The following KDM4C variants were observed in gnomAD, a reference collection of about 807,000 sequenced individuals.
KDM4C encodes lysine demethylase 4C, also known as lysine-specific demethylase 4C.
In KDM4C, 81 loss-of-function variants were observed where a neutral mutation model predicts 129.3. That is an observed-to-expected ratio of 0.63 (90% confidence interval 0.52 to 0.75). KDM4C has a LOEUF of 0.75. KDM4C is among the 30% of genes least tolerant of loss of function. The pLI is 0.00. For missense variants in KDM4C, 1,457 were observed against 1,304.0 expected (o/e 1.12, Z -1.81); for synonymous variants, 573 against 456.1 (o/e 1.26, Z -3.26).
rs1403221523 is a variant in KDM4C at position 6,860,447 on chromosome 9, C to A, written c.629+10747C>A. Among the ~76,000 whole-genome samples the A allele has an allele frequency of 2.6e-5, 4 of 152,172 alleles. No homozygotes were observed. In the East Asian group the frequency reaches 7.7e-4, roughly 29 times the overall value. ...GCAAAGTACATTGACAGAAGCTAGTCAGTCCTTGTCAGGAGTTAAGTGTAC... is the reference window on the plus strand; with the variant it reads ...GCAAAGTACATTGACAGAAGCTAGTAAGTCCTTGTCAGGAGTTAAGTGTAC... On this transcript the variant is annotated intron_variant, in intron 5 of 21. Coordinates refer to ENST00000381309, the MANE Select transcript of KDM4C (RefSeq NM_015061.6).
chr9:7,028,981 A>T (rs551893356), intron 15 of KDM4C, among the ~76,000 whole-genome samples: 1 of 152,310 alleles, frequency 6.6e-6, no homozygotes, highest in East Asian at 1.9e-4. Flanking sequence ...TTTCAGTGAT[A>T]GGAAGTTAAA....
intron 19 of KDM4C, among the ~76,000 whole-genome samples, chr9:7,145,632 T>C (rs1438941660): frequency 6.6e-6 from 1 of 152,246 alleles, no homozygotes; most frequent in Non-Finnish European, 1.5e-5. Context: ...TTTGCTGCAA[T>C]TGTTAGGAAG....
chr9:7,037,106 G>C (rs956012714), intron 15 of KDM4C, among the ~76,000 whole-genome samples: 1 of 152,096 alleles, frequency 6.6e-6, no homozygotes, highest in Admixed American at 6.5e-5. Flanking sequence ...CCCATGTCTT[G>C]CTGATCAGCA....
chr9:6,953,810 A>G (rs965225560), intron 8 of KDM4C, among the ~76,000 whole-genome samples: 5 of 152,162 alleles, frequency 3.3e-5, no homozygotes, highest in African/African-American at 9.7e-5. Context: ...CTTCTCCCAA[A>G]CTTGAATGGT....
intron 5 of KDM4C, among the ~76,000 whole-genome samples, chr9:6,873,080 C>G (rs1355219060): frequency 6.6e-6 from 1 of 152,156 alleles, no homozygotes; most frequent in Non-Finnish European, 1.5e-5. Flanking sequence ...GCGCGCACCA[C>G]TCCACCTCTT....
chr9:7,051,680 A>G (rs1450135277), intron 17 of KDM4C, among the ~76,000 whole-genome samples: 1 of 151,958 alleles, frequency 6.6e-6, no homozygotes, highest in Non-Finnish European at 1.5e-5. Flanking sequence ...CAGTTTCAAT[A>G]TTTTTTTCTG....
chr9:6,889,699 C>CG (rs1285169420), intron 7 of KDM4C, among the ~76,000 whole-genome samples: 1 of 152,198 alleles, frequency 6.6e-6, no homozygotes, highest in Non-Finnish European at 1.5e-5. Context: ...ACAAGGTAGA[C>CG]GTGAAGGAAT....
chr9:6,945,860 G>T (rs1826866493), intron 8 of KDM4C, among the ~76,000 whole-genome samples: 2 of 152,090 alleles, frequency 1.3e-5, no homozygotes, highest in East Asian at 1.9e-4. Flanking sequence ...GAAGGGACTG[G>T]GCTGTCTGTA....
intron 15 of KDM4C, among the ~76,000 whole-genome samples, chr9:7,035,733 T>C (rs1210592838): frequency 6.6e-6 from 1 of 152,184 alleles, no homozygotes; most frequent in African/African-American, 2.4e-5. Context: ...CACTGTTCAT[T>C]GAAGAGACTG....
chr9:6,782,159 A>G (rs1481514757), intron 1 of KDM4C, among the ~76,000 whole-genome samples: 4 of 152,178 alleles, frequency 2.6e-5, no homozygotes, highest in African/African-American at 9.7e-5. Flanking sequence ...AAATTTGTAG[A>G]TACGGAATCT....
intron 1 of KDM4C, chr9:6,748,877 G>C (rs767454518): frequency 3.0e-6 from 3 of 992,220 alleles, no homozygotes; most frequent in Non-Finnish European, 3.3e-6. Flanking sequence ...CTTGCTCATA[G>C]AGCCACACCT....
chr9:6,936,366 C>T (rs1417109514), intron 8 of KDM4C, among the ~76,000 whole-genome samples: 1 of 152,012 alleles, frequency 6.6e-6, no homozygotes, highest in Non-Finnish European at 1.5e-5. Context: ...TACATGTATA[C>T]AAACAGTATT....
rs779935977 is a variant in KDM4C, at chr9:6,793,055, A to C, written c.67A>C (p.Met23Leu). The change falls in exon 2 of 22, where the codon ATG (methionine) becomes CTG (leucine). Residue 23 changes from methionine to leucine, a missense_variant. Met to Leu is a conservative substitution (Grantham distance 15). Coordinates refer to ENST00000381309, the MANE Select transcript of KDM4C (RefSeq NM_015061.6). ...TAAGATAATGACCTTCAGACCCTCC[A>C]TGGAGGAGTTCCGGGAGTTCAACAA... ...SCKIMTFRPSMEEFREFNKYL... is the reference protein window; with the variant it reads ...SCKIMTFRPSLEEFREFNKYL... 3 of 1,614,134 alleles carry C rather than the reference A, an allele frequency of 1.9e-6. No homozygotes were observed. The highest frequency in any genetic ancestry group is 3.3e-5 in the Admixed American group (2 of 60,014).
intron 12 of KDM4C, among the ~76,000 whole-genome samples, chr9:7,005,393 C>G (rs967041774): frequency 1.3e-5 from 2 of 149,686 alleles, no homozygotes; most frequent in African/African-American, 5.0e-5. Flanking sequence ...CGAGATCAAG[C>G]CGTTGCACTC....
chr9:7,137,874 G>A (rs1402994476), intron 19 of KDM4C, among the ~76,000 whole-genome samples: 1 of 152,116 alleles, frequency 6.6e-6, no homozygotes, highest in Non-Finnish European at 1.5e-5. Flanking sequence ...TTTCGACCAT[G>A]GGATTTAAAT....
intron 4 of KDM4C, among the ~76,000 whole-genome samples, chr9:6,840,625 G>A (rs1455708821): frequency 6.6e-6 from 1 of 152,066 alleles, no homozygotes; most frequent in Non-Finnish European, 1.5e-5. Flanking sequence ...TCAAACTTCT[G>A]ACCTTGTGAT....
intron 16 of KDM4C, 127 bp from the exon 17 acceptor site, chr9:7,048,965 G>T: frequency 3.3e-6 from 2 of 601,108 alleles, no homozygotes; most frequent in Non-Finnish European, 3.0e-6. Context: ...ATCTGTTTGT[G>T]ATGGATTTAG....
At chr9:7,031,674 ATATGTGTGTGTG>A (rs1056740337) in intron 15 of KDM4C, among the ~76,000 whole-genome samples, 25 of 152,108 alleles carry the variant, frequency 1.6e-4, no homozygotes, top group African/African-American at 4.3e-4. Context: ...TTTTATATAT[ATATGTGTGTGTG>A]TATGTGTGTG....
At chr9:6,976,818 A>ATT (rs34764841) in intron 8 of KDM4C, among the ~76,000 whole-genome samples, 37,760 of 150,320 alleles carry the variant, frequency 0.25, 5,145 homozygotes, top group South Asian at 0.45. Context: ...ATGTTGTTTG[A>ATT]TTTTTTTTTT....
Sources: gnomAD v4.1 joint callset for allele counts (sites outside exome capture counted in the v4.1 genomes callset) on GRCh38, gnomAD v4.1.1 for gene constraint, MANE v1.5 for transcripts, NCBI Gene and HGNC (gene_info 2026-07-23, HGNC 2026-07-21) for gene names.